TANC2: variants seen among roughly 807,000 people sequenced by gnomAD.
TANC2 encodes the protein tetratricopeptide repeat, ankyrin repeat and coiled-coil containing 2.
TANC2 carries 26 observed loss-of-function variants against 210.5 expected under a neutral mutation model. That is an observed-to-expected ratio of 0.12 (90% CI 0.09 to 0.17). The LOEUF (loss-of-function observed/expected upper bound fraction) is 0.17. Among genes scored for constraint, TANC2 ranks in the 10% least tolerant of loss-of-function variants. TANC2 has a pLI of 1.00. For synonymous variants in TANC2, 931 were observed against 967.1 expected (o/e 0.96, Z 0.69); for missense variants, 2,129 against 2,608.9 (o/e 0.82, Z 4.01).
At chr17:63,011,151 ACT>A (rs1199616850) in intron 2 of TANC2, among the ~76,000 whole-genome samples, 3 of 151,400 alleles carry the variant, frequency 2.0e-5, no homozygotes, top group African/African-American at 7.3e-5. Flanking sequence ...CACTTTTATC[ACT>A]CTGAAGACTC....
Position 63,420,680 on chromosome 17 carries a change from G to A in TANC2, c.4950G>A (p.Gln1650=). ...CTGGTTCACCCGTGCGCTATCAGCA[G>A]GAAACAAGCGTCAGTCAGCTTCCTG... The change falls in exon 28 of 28, where the codon CAG becomes CAA. Residue 1650 remains glutamine (Q), a synonymous_variant. Coordinates refer to ENST00000689528, the Ensembl canonical transcript of TANC2. The surrounding 1 kb of genome is among the most constrained non-coding windows in gnomAD (Gnocchi z 4.2). 1 of 1,613,804 alleles carries A rather than the reference G, an allele frequency of 6.2e-7. No individual in the cohort carries two copies. Among genetic ancestry groups the A allele is most frequent in the South Asian group, 1.1e-5 (1 of 91,048 alleles).
At chr17:63,255,065 TTA>T in intron 8 of TANC2, among the ~76,000 whole-genome samples, 1 of 91,210 alleles carries the variant, frequency 1.1e-5, no homozygotes, top group Non-Finnish European at 2.6e-5. Context: ...TATTTTTTAT[TTA>T]TTTATTTATT....
rs916550482 is a variant in TANC2, at chr17:63,046,166, C to CT, written c.68-27766dup. 2.4e-3 allele frequency among the ~76,000 whole-genome samples: 344 copies of CT among 143,932 alleles called. 1 individual carries two copies. The highest frequency in any genetic ancestry group is 0.011 in the Middle Eastern group (3 of 282). The allele number at this position is 143,932 out of a possible 152,430, so 94.4% of individuals were successfully genotyped here. On this transcript the variant is annotated intron_variant, in intron 2 of 27. Coordinates refer to ENST00000689528, the Ensembl canonical transcript of TANC2. The stretch of plus-strand genomic sequence containing the variant: ...GTCATACTGTTATCTTTATTAAATT[C>CT]TTTTTTTTTTTGAGACAGAGTCTCA...
rs869063496 is a variant in TANC2, at chr17:63,055,965, C to CAAAAAAAA, written c.68-17959_68-17952dup. On this transcript the variant is annotated intron_variant, in intron 2 of 27. Coordinates refer to ENST00000689528, the Ensembl canonical transcript of TANC2. ...CAACGTAGTGAGACCTCATCTCTAC[C>CAAAAAAAA]AAAAAAAAAAAAAAAAAAAAAAAAA... 1.5e-4 allele frequency among the ~76,000 whole-genome samples: 8 copies of CAAAAAAAA among 52,598 alleles called. 1 individual carries two copies. The highest frequency in any genetic ancestry group is 5.8e-4 in the African/African-American group (8 of 13,778). 34.5% of individuals were successfully genotyped at this position (52,598 alleles called of 152,430 possible).
At chr17:63,034,736 T>C (rs2034905382) in intron 2 of TANC2, among the ~76,000 whole-genome samples, 1 of 152,122 alleles carries the variant, frequency 6.6e-6, no homozygotes, top group Non-Finnish European at 1.5e-5. Context: ...GAAGTAACTG[T>C]CGATGTGTGG....
At chr17:63,093,026 A>G (rs143533493) in intron 3 of TANC2, among the ~76,000 whole-genome samples, 25 of 152,190 alleles carry the variant, frequency 1.6e-4, no homozygotes, top group African/African-American at 2.6e-4. Context: ...TTTTCTTTCA[A>G]TCGGTACTGC....
chr17:63,039,102 G>A (rs184098771), intron 2 of TANC2, among the ~76,000 whole-genome samples: 3 of 152,224 alleles, frequency 2.0e-5, no homozygotes, highest in Admixed American at 2.0e-4. Context: ...AGGAAGGCCT[G>A]TTTATGCATT....
At chr17:63,178,257 C>A (rs1043739691) in intron 5 of TANC2, among the ~76,000 whole-genome samples, 3 of 151,866 alleles carry the variant, frequency 2.0e-5, no homozygotes, top group Admixed American at 6.5e-5. Context: ...GGCGTGAACC[C>A]GGGAGGCGGA....
intron 9 of TANC2, among the ~76,000 whole-genome samples, chr17:63,273,711 C>G (rs977350880): frequency 2.0e-5 from 3 of 152,204 alleles, no homozygotes; most frequent in Non-Finnish European, 2.9e-5. Flanking sequence ...TACTTTTCAC[C>G]TCCTTCAATA....
chr17:63,383,008 T>C (rs1037727715), intron 15 of TANC2, among the ~76,000 whole-genome samples: 1 of 152,232 alleles, frequency 6.6e-6, no homozygotes, highest in Admixed American at 6.5e-5. Flanking sequence ...CCAGAGATTA[T>C]GAGTCATTGT....
At chr17:63,349,485 G>A (rs914804076) in intron 12 of TANC2, among the ~76,000 whole-genome samples, 4 of 152,182 alleles carry the variant, frequency 2.6e-5, no homozygotes, top group Admixed American at 2.6e-4. Context: ...GAAGGGCGGG[G>A]ACAGTGGTGT....
Position 63,206,972 on chromosome 17 carries a change from C to T in TANC2, c.769+6015C>T, listed in dbSNP as rs149501952. On this transcript the variant is annotated intron_variant, in intron 7 of 27. Transcript: ENST00000689528. ...TAAGAATATAGCAAATACCTGACTA[C>T]CTCTCTTACCCTATAACAAAAATGA... Among the ~76,000 whole-genome samples the T allele has an allele frequency of 3.3e-3, 502 of 152,100 alleles. 1 individual carries two copies. The highest frequency in any genetic ancestry group is 0.011 in the African/African-American group (465 of 41,508).
intron 4 of TANC2, among the ~76,000 whole-genome samples, chr17:63,105,812 C>T (rs1002709591): frequency 1.1e-4 from 17 of 151,466 alleles, no homozygotes; most frequent in Non-Finnish European, 2.4e-4. Context: ...AATACTGTGG[C>T]ATCTGAGTAA....
chr17:63,382,875 A>G (rs1405037666), intron 15 of TANC2, among the ~76,000 whole-genome samples: 2 of 151,734 alleles, frequency 1.3e-5, no homozygotes, highest in Non-Finnish European at 2.9e-5. Flanking sequence ...TCTCTTTTTC[A>G]CTCAGCATTC....
intron 26 of TANC2, among the ~76,000 whole-genome samples, chr17:63,416,232 G>A (rs1046001785): frequency 1.3e-5 from 2 of 152,074 alleles, no homozygotes; most frequent in African/African-American, 4.8e-5. Context: ...TCGTCTCCCT[G>A]GTAAGCCACG....
intron 26 of TANC2, among the ~76,000 whole-genome samples, chr17:63,416,780 G>A (rs1035202135): frequency 5.3e-5 from 8 of 152,256 alleles, no homozygotes; most frequent in Non-Finnish European, 2.9e-5. Flanking sequence ...CAGAGGCAGA[G>A]TTGCTCCAGG....
intron 2 of TANC2, among the ~76,000 whole-genome samples, chr17:63,035,417 C>T (rs1465750074): frequency 1.3e-5 from 2 of 152,166 alleles, no homozygotes; most frequent in Non-Finnish European, 2.9e-5. Context: ...TTGCAGTGGT[C>T]TGGAACGGAA....
chr17:63,417,612 A>G (rs2048903654), intron 26 of TANC2, among the ~76,000 whole-genome samples: 1 of 152,196 alleles, frequency 6.6e-6, no homozygotes. Context: ...AGCCTCTGTG[A>G]AATAGAAAGA....
chr17:63,252,121 T>C (rs2043068568), intron 8 of TANC2, among the ~76,000 whole-genome samples: 1 of 152,204 alleles, frequency 6.6e-6, no homozygotes, highest in Non-Finnish European at 1.5e-5. Flanking sequence ...ATGACTATTA[T>C]TTAATTGGAA....
Sources: gnomAD v4.1 joint callset for allele counts (sites outside exome capture counted in the v4.1 genomes callset) on GRCh38, gnomAD v4.1.1 for gene constraint, Gnocchi (gnomAD v3.1) non-coding constraint, MANE v1.5 for transcripts, NCBI Gene and HGNC (gene_info 2026-07-23, HGNC 2026-07-21) for gene names.